Variants in SPOCK1 observed in about 807,000 individuals in gnomAD.
The protein encoded by SPOCK1 is SPARC (osteonectin), cwcv and kazal like domains proteoglycan 1, also known as testican-1.
SPOCK1 carries 23 observed loss-of-function variants against 55.3 expected under a neutral mutation model. The ratio of observed to expected loss-of-function variants is 0.42; its 90% CI spans 0.30 to 0.59. The LOEUF (loss-of-function observed/expected upper bound fraction) is 0.59, where lower values mean the gene tolerates loss of function less well. Among genes scored for constraint, SPOCK1 ranks in the 20% least tolerant of loss-of-function variants. SPOCK1 has a pLI of 0.22. For synonymous variants in SPOCK1, 226 were observed against 221.0 expected, an observed-to-expected ratio of 1.02 and a Z score of -0.20; for missense variants, 499 against 552.5, an observed-to-expected ratio of 0.90 and a Z score of 0.97.
At position 137,171,877 on chromosome 5, in the gene SPOCK1, C is replaced by T. The variant is rs1340004206; in HGVS notation, c.233-31183G>A. The stretch of plus-strand genomic sequence containing the variant: ...CTAATAAACATATGTTATATGTGTG[C>T]CTACAATATAAAGGTTACTGTGACT... On this transcript the variant is annotated intron_variant, in intron 3 of 10. Coordinates refer to ENST00000394945, the MANE Select transcript of SPOCK1 (RefSeq NM_004598.4). Among the ~76,000 whole-genome samples, 4 of 152,198 alleles carry T rather than the reference C, an allele frequency of 2.6e-5. No individual in the cohort carries two copies. The East Asian group carries it at 5.8e-4, about 22-fold the overall frequency.
At chr5:137,252,529 GC>G (rs1756554477) in intron 3 of SPOCK1, among the ~76,000 whole-genome samples, 1 of 152,098 alleles carries the variant, frequency 6.6e-6, no homozygotes, top group Non-Finnish European at 1.5e-5. Flanking sequence ...ACTGATCCCT[GC>G]CCTGTCATAC....
At chr5:137,101,378 A>C (rs1753262366) in intron 5 of SPOCK1, among the ~76,000 whole-genome samples, 1 of 152,204 alleles carries the variant, frequency 6.6e-6, no homozygotes, top group African/African-American at 2.4e-5. Flanking sequence ...GTGTTCAGGT[A>C]ATTGCTTTAT....
chr5:137,074,529 G>A (rs1439063465), intron 5 of SPOCK1, among the ~76,000 whole-genome samples: 1 of 152,134 alleles, frequency 6.6e-6, no homozygotes, highest in African/African-American at 2.4e-5. Context: ...TTTTGTTTGT[G>A]TTTTGAGACT....
At chr5:137,287,043 A>T (rs117512057) in intron 2 of SPOCK1, among the ~76,000 whole-genome samples, 1 of 152,026 alleles carries the variant, frequency 6.6e-6, no homozygotes, top group Admixed American at 6.5e-5. Flanking sequence ...ACAAAAACAC[A>T]CTGTTAACCT....
chr5:137,386,467 A>G (rs1751601335), intron 2 of SPOCK1, among the ~76,000 whole-genome samples: 1 of 152,232 alleles, frequency 6.6e-6, no homozygotes, highest in Non-Finnish European at 1.5e-5. Flanking sequence ...GAGACTTATT[A>G]TAAAGTTTCC....
At chr5:137,400,441 A>G (rs990426113) in intron 2 of SPOCK1, among the ~76,000 whole-genome samples, 4 of 152,170 alleles carry the variant, frequency 2.6e-5, no homozygotes, top group African/African-American at 7.2e-5. Flanking sequence ...GTCTTCCAGG[A>G]GACTACGTAG....
chr5:136,996,723 A>T (rs1327797652), intron 6 of SPOCK1, among the ~76,000 whole-genome samples: 1 of 152,166 alleles, frequency 6.6e-6, no homozygotes, highest in Non-Finnish European at 1.5e-5. Flanking sequence ...GTAGCTAGCA[A>T]GAGGACTGTA....
chr5:137,015,750 G>A (rs1407457328), intron 6 of SPOCK1, among the ~76,000 whole-genome samples: 2 of 152,188 alleles, frequency 1.3e-5, no homozygotes, highest in African/African-American at 4.8e-5. Context: ...TCCTCTCAAG[G>A]TGACAGATTT....
At chr5:137,217,646 T>G (rs536550599) in intron 3 of SPOCK1, among the ~76,000 whole-genome samples, 1 of 152,368 alleles carries the variant, frequency 6.6e-6, no homozygotes, top group East Asian at 1.9e-4. Context: ...TCAGCCACTG[T>G]TACTGAAGTA....
intron 2 of SPOCK1, among the ~76,000 whole-genome samples, chr5:137,308,623 C>G (rs1166417394): frequency 2.0e-5 from 3 of 152,190 alleles, no homozygotes; most frequent in African/African-American, 4.8e-5. Flanking sequence ...CCCGTGTGAC[C>G]CCTAGCCCAG....
intron 2 of SPOCK1, among the ~76,000 whole-genome samples, chr5:137,351,784 C>T (rs1011801197): frequency 2.6e-5 from 4 of 152,208 alleles, no homozygotes; most frequent in Non-Finnish European, 5.9e-5. Context: ...AAAAAGGACA[C>T]ATAATGTTGT....
At position 136,975,605 on chromosome 5, in the gene SPOCK1, T is replaced by C. The variant is rs1750596863; in HGVS notation, c.*3049A>G. ...CACTGTAGAATGGGCTCTTGGATGT[T>C]ACTGTACAGCGTGGTCAAGGTAACA... is the stretch of plus-strand genomic sequence containing the variant. On this transcript the variant is annotated 3_prime_UTR_variant, in exon 11 of 11. Transcript: ENST00000394945. 1 of 152,186 alleles carries C rather than the reference T, an allele frequency of 6.6e-6. No homozygotes were observed. Among genetic ancestry groups the C allele is most frequent in the African/African-American group, 2.4e-5 (1 of 41,428 alleles). 9.4% of individuals were successfully genotyped at this position (152,186 alleles called of 1,614,324 possible).
intron 6 of SPOCK1, among the ~76,000 whole-genome samples, chr5:137,040,179 A>G (rs1473330349): frequency 2.0e-5 from 3 of 152,190 alleles, no homozygotes; most frequent in East Asian, 3.9e-4. Flanking sequence ...GAGCAAAAGG[A>G]CCATCAGTAT....
intron 6 of SPOCK1, among the ~76,000 whole-genome samples, chr5:137,026,885 A>G (rs532772064): frequency 5.4e-4 from 82 of 152,298 alleles, no homozygotes; most frequent in African/African-American, 1.9e-3. Flanking sequence ...ATAAATATTT[A>G]TTGAATATCT....
At chr5:137,384,563 C>CATATATATATATATATATATATAT (rs368458010) in intron 2 of SPOCK1, among the ~76,000 whole-genome samples, 5 of 133,472 alleles carry the variant, frequency 3.7e-5, no homozygotes, top group African/African-American at 1.7e-4. Flanking sequence ...TACATACATA[C>CATATATATATATATATATATATAT]ATATATATAT....
intron 3 of SPOCK1, among the ~76,000 whole-genome samples, chr5:137,156,473 G>A (rs992861057): frequency 6.6e-5 from 10 of 152,138 alleles, no homozygotes; most frequent in African/African-American, 2.4e-4. Flanking sequence ...GGAGAATAGA[G>A]TTTACTCTGA....
chr5:137,095,414 A>G (rs1009801328), intron 5 of SPOCK1, among the ~76,000 whole-genome samples: 3 of 152,218 alleles, frequency 2.0e-5, no homozygotes. Flanking sequence ...TTTATTAACC[A>G]AAGACCAAAA....
intron 6 of SPOCK1, among the ~76,000 whole-genome samples, chr5:137,012,574 G>T (rs1482042721): frequency 6.6e-6 from 1 of 152,054 alleles, no homozygotes; most frequent in Non-Finnish European, 1.5e-5. Flanking sequence ...TATATAATAG[G>T]GTCAAAGTTT....
intron 2 of SPOCK1, among the ~76,000 whole-genome samples, chr5:137,473,530 AT>A (rs1753778107): frequency 6.6e-6 from 1 of 152,168 alleles, no homozygotes; most frequent in African/African-American, 2.4e-5. Flanking sequence ...AGGGAGTAAA[AT>A]TTCTATTCCT....
Sources: gnomAD v4.1 joint callset for allele counts (sites outside exome capture counted in the v4.1 genomes callset) on GRCh38, gnomAD v4.1.1 for gene constraint, MANE v1.5 for transcripts, NCBI Gene and HGNC (gene_info 2026-07-23, HGNC 2026-07-21) for gene names.